The following MAPK8IP2 variants were observed in gnomAD, a reference collection of about 807,000 sequenced individuals.
The protein encoded by MAPK8IP2 is mitogen-activated protein kinase 8 interacting protein 2, also known as C-Jun-amino-terminal kinase-interacting protein 2.
A neutral mutation model predicts 75.6 loss-of-function variants in MAPK8IP2; 15 were observed. The observed-to-expected ratio is 0.20, with a 90% CI of 0.13 to 0.31. The LOEUF (loss-of-function observed/expected upper bound fraction) is 0.31, where lower values mean the gene tolerates loss of function less well. Among genes scored for constraint, MAPK8IP2 ranks in the 10% least tolerant of loss-of-function variants. The pLI is 1.00. For synonymous variants in MAPK8IP2, 632 were observed against 554.5 expected (o/e 1.14, Z -1.96); for missense variants, 1,089 against 1,211.2 (o/e 0.90, Z 1.50).
rs746365486 is a variant in MAPK8IP2 at position 50,605,733 on chromosome 22, G to A, written c.2013G>A (p.Leu671=). 140 of 1,607,496 alleles carry A rather than the reference G, an allele frequency of 8.7e-5. No individual in the cohort carries two copies. The highest frequency in any genetic ancestry group is 1.1e-4 in the Non-Finnish European group (134 of 1,177,200). Residue 671 remains leucine, a splice_region_variant and synonymous_variant, in exon 7 of 12, where the codon CTG becomes CTA. Coordinates refer to ENST00000329492, the MANE Select transcript of MAPK8IP2 (RefSeq NM_012324.6). The part of the protein sequence containing the change: ...HAVPGPAKDL[L]GSKRSPCWVE... ...TGCCCGGCCCTGCCAAGGACCTGCTGGGTGAGGTCCCAACCCCGAGGGGAG... is the reference window on the plus strand; with the variant it reads ...TGCCCGGCCCTGCCAAGGACCTGCTAGGTGAGGTCCCAACCCCGAGGGGAG...
intron 1 of MAPK8IP2, chr22:50,601,289 C>T (rs1056672810): frequency 6.3e-6 from 1 of 157,954 alleles, no homozygotes; most frequent in Non-Finnish European, 1.4e-5. Flanking sequence ...AGGGCCCGGC[C>T]GGGAGAGAGT....
chr22:50,606,017 G>A, intron 8 of MAPK8IP2, 83 bp downstream of exon 8: 1 of 1,149,386 alleles, frequency 8.7e-7, no homozygotes, highest in Middle Eastern at 2.8e-4. Flanking sequence ...AGGGCTTGAG[G>A]CTCCAAGGTC....
At position 50,604,148 on chromosome 22, in the gene MAPK8IP2, A is replaced by G; in HGVS notation, c.849A>G (p.Gly283=). 1.3e-6 allele frequency: 2 copies of G among 1,555,252 alleles called. No individual in the cohort carries two copies. Among genetic ancestry groups the G allele is most frequent in the Non-Finnish European group, 1.7e-6 (2 of 1,159,552 alleles). Residue 283 remains glycine (G), a synonymous_variant, in exon 5 of 12, where the codon GGA becomes GGG. Transcript: ENST00000329492. ...AGCTGGAGCTGAGCAGCGATGGCGG[A>G]AGCAGCAGCAGCGGCCGCTCCTCGC... ...ETELELSSDG[G]SSSSGRSSHL... is the part of the protein sequence containing the mutation.
Position 50,604,716 on chromosome 22 carries a change from G to A in MAPK8IP2, c.1417G>A (p.Glu473Lys), listed in dbSNP as rs1396389608. The change falls in exon 5 of 12, where the codon GAA (glutamate) becomes AAA (lysine). Residue 473 changes from glutamate to lysine, a missense_variant. Around this residue, in one of 2 missense-constraint regions of MAPK8IP2, gnomAD observed 960 missense variants for 1,009.6 expected, o/e 0.95. Transcript: ENST00000329492. Reference protein sequence around the residue: ...CSAACSEEEDEEDDEEEEDAE... With the variant: ...CSAACSEEEDKEDDEEEEDAE... Reference sequence around the variant, plus strand: ...CGCCGCCTGCTCCGAGGAGGAGGACGAAGAGGACGACGAGGAAGAGGAGGA... The same window carrying A: ...CGCCGCCTGCTCCGAGGAGGAGGACAAAGAGGACGACGAGGAAGAGGAGGA... 24 of 1,532,752 alleles carry A rather than the reference G, an allele frequency of 1.6e-5. No homozygotes were observed. Among genetic ancestry groups the A allele is most frequent in the East Asian group, 7.4e-5 (3 of 40,596 alleles). 94.9% of individuals were successfully genotyped at this position (1,532,752 alleles called of 1,614,324 possible).
Position 50,605,826 on chromosome 22 carries a change from G to T in MAPK8IP2, c.2016G>T (p.Gly672=). The change falls in exon 8 of 12, where the codon GGG becomes GGT. Residue 672 remains glycine (G), a splice_region_variant and synonymous_variant. Coordinates refer to ENST00000329492, the MANE Select transcript of MAPK8IP2 (RefSeq NM_012324.6). ...GGCCCTCTGTGCCCCGCTCCCCAGG[G>T]AGTAAGCGGAGCCCCTGCTGGGTGG... is the stretch of plus-strand genomic sequence containing the variant. ...AVPGPAKDLL[G]SKRSPCWVER... is the part of the protein sequence containing the mutation. 1 of 1,588,036 alleles carries T rather than the reference G, an allele frequency of 6.3e-7. No homozygotes were observed. Among genetic ancestry groups the T allele is most frequent in the Non-Finnish European group, 8.6e-7 (1 of 1,168,342 alleles).
chr22:50,607,011 C>CGAGTCTGACTCGG lies in MAPK8IP2; in HGVS notation c.2303+25_2303+26insTGACTCGGGAGTC. The CGAGTCTGACTCGG allele has an allele frequency of 6.2e-7, 1 of 1,606,650 alleles. No individual in the cohort carries two copies. On this transcript the variant is annotated intron_variant, in intron 10 of 11. Coordinates refer to ENST00000329492, the MANE Select transcript of MAPK8IP2 (RefSeq NM_012324.6). The surrounding 1 kb of genome is among the most constrained non-coding windows in gnomAD (Gnocchi z 5.6). ...CAGCTGGTGAGAGTCTGACCGTCCC[C>CGAGTCTGACTCGG]GAGTCCCCCAACCGCCCCCACAAAC...
chr22:50,610,255 G>T lies in MAPK8IP2; in HGVS notation c.2347G>T (p.Ala783Ser), dbSNP rs755261650. Reference sequence around the variant, plus strand: ...CAAACACCCCCTGCTGAGCCGCTTCGCCTGCCACGTCTTTGTCTCCCAGGA... The same window carrying T: ...CAAACACCCCCTGCTGAGCCGCTTCTCCTGCCACGTCTTTGTCTCCCAGGA... The part of the protein sequence containing the change: ...ITKHPLLSRF[A>S]CHVFVSQESM... The change falls in exon 11 of 12, where the codon GCC becomes TCC. Residue 783 changes from alanine to serine, a missense_variant. This residue lies in a region of MAPK8IP2 where 129 missense variants were observed against 201.7 expected (regional missense o/e 0.64). Transcript: ENST00000329492. This position sits in a 1 kb window ranked among gnomAD's most constrained non-coding sequence, Gnocchi z 4.3. The T allele has an allele frequency of 6.3e-7, 1 of 1,587,274 alleles. No homozygotes were observed.
At chr22:50,606,055 C>A in intron 8 of MAPK8IP2, 121 bp downstream of exon 8, 1 of 832,210 alleles carries the variant, frequency 1.2e-6, no homozygotes, top group Non-Finnish European at 1.9e-6. Context: ...CAGGGAGGGT[C>A]TGGGGGATGC....
chr22:50,606,830 G>A, intron 9 of MAPK8IP2, 65 bp downstream of exon 9: 1 of 1,595,006 alleles, frequency 6.3e-7, no homozygotes, highest in Non-Finnish European at 8.6e-7. Context: ...AGTCCGACGG[G>A]GCCAGGCTGG....
chr22:50,610,170 G>T lies in MAPK8IP2; in HGVS notation c.2304-42G>T. ...ATCATTTGTGGGGTGGCCAAGGCTG[G>T]GCCAGGGCTCTGACGTGCCCTCCAC... On this transcript the variant is annotated intron_variant, in intron 10 of 11. Transcript: ENST00000329492. The surrounding 1 kb of genome is among the most constrained non-coding windows in gnomAD (Gnocchi z 4.3). 1 of 1,497,144 alleles carries T rather than the reference G, an allele frequency of 6.7e-7. No individual in the cohort carries two copies. The allele number at this position is 1,497,144 out of a possible 1,614,324, so 92.7% of individuals were successfully genotyped here.
intron 2 of MAPK8IP2, 36 bp from the exon 3 acceptor site, chr22:50,603,187 T>C (rs373786797): frequency 3.1e-5 from 50 of 1,612,236 alleles, no homozygotes; most frequent in Non-Finnish European, 3.9e-5. Context: ...ACTGCTGCCC[T>C]CTGGCCCAGC....
In MAPK8IP2 at chr22:50,604,213, C is replaced by G. The variant is rs1603444281; in HGVS notation, c.914C>G (p.Ser305Trp). Residue 305 changes from serine (S) to tryptophan (W), a missense_variant, in exon 5 of 12, where the codon TCG becomes TGG. This residue lies in a region of MAPK8IP2 where 960 missense variants were observed against 1,009.6 expected (regional missense o/e 0.95). Transcript: ENST00000329492. ...ATCGAGGAGGCCTCGTCGCCCGCCTCGGAGCCGGAGCCCCCGCGCGAACCC... is the reference window on the plus strand; with the variant it reads ...ATCGAGGAGGCCTCGTCGCCCGCCTGGGAGCCGGAGCCCCCGCGCGAACCC... ...NSIEEASSPA[S>W]EPEPPREPPR... The G allele has an allele frequency of 1.3e-6, 2 of 1,547,632 alleles. No individual in the cohort carries two copies. Among genetic ancestry groups the G allele is most frequent in the East Asian group, 4.8e-5 (2 of 41,630 alleles).
rs2071169075 is a variant in MAPK8IP2, at chr22:50,612,818, C to G, written c.*2039C>G. 1 of 152,322 alleles carries G rather than the reference C, an allele frequency of 6.6e-6. No homozygotes were observed. Among genetic ancestry groups the G allele is most frequent in the Non-Finnish European group, 1.5e-5 (1 of 67,990 alleles). 9.4% of individuals were successfully genotyped at this position (152,322 alleles called of 1,614,324 possible). On this transcript the variant is annotated 3_prime_UTR_variant, in exon 12 of 12. Transcript: ENST00000329492. ...CCACCCACCTCCTCCCTCTGCTCTT[C>G]CACTCAGGTGAGAATTCTCCAAGCC...
intron 9 of MAPK8IP2, 27 bp from the exon 10 acceptor site, chr22:50,606,894 A>G (rs2146689247): frequency 1.2e-6 from 2 of 1,612,154 alleles, no homozygotes; most frequent in Non-Finnish European, 1.7e-6. Context: ...CCTTTGACAC[A>G]GGGACTTCTG....
intron 2 of MAPK8IP2, among the ~76,000 whole-genome samples, chr22:50,602,575 CAG>C (rs1366201957): frequency 1.3e-5 from 2 of 152,188 alleles, no homozygotes; most frequent in African/African-American, 4.8e-5. Flanking sequence ...CTGAAGGAAT[CAG>C]GGAGAATTTC....
At position 50,604,920 on chromosome 22, in the gene MAPK8IP2, G is replaced by C. The variant is rs371567055; in HGVS notation, c.1621G>C (p.Gly541Arg). Residue 541 changes from glycine (G) to arginine (R), a missense_variant, in exon 5 of 12, where the codon GGC (glycine) becomes CGC (arginine). Gly to Arg is a moderately radical substitution (Grantham distance 125). Coordinates refer to ENST00000329492, the MANE Select transcript of MAPK8IP2 (RefSeq NM_012324.6). The stretch of plus-strand genomic sequence containing the variant: ...GGGCCACGACAGCGAAGAGGACAGC[G>C]GCGGGGAGGCCAGCGAGGAGGAGGC... ...GLGHDSEEDS[G>R]GEASEEEAGA... is the part of the protein sequence containing the mutation. The C allele has an allele frequency of 1.9e-6, 3 of 1,605,714 alleles. No individual in the cohort carries two copies. The highest frequency in any genetic ancestry group is 2.6e-6 in the Non-Finnish European group (3 of 1,176,190).
At chr22:50,601,549 G>T in intron 1 of MAPK8IP2, 1 of 485,166 alleles carries the variant, frequency 2.1e-6, no homozygotes, top group East Asian at 3.4e-5. Context: ...CCAGGGAGGC[G>T]GGGTGGGAGG....
chr22:50,613,727 C>T lies in MAPK8IP2; in HGVS notation c.*2948C>T, dbSNP rs144563337. The T allele has an allele frequency of 2.0e-5, 3 of 152,442 alleles. No individual in the cohort carries two copies. In the East Asian group the frequency reaches 5.8e-4, roughly 29 times the overall value. 9.4% of individuals were successfully genotyped at this position (152,442 alleles called of 1,614,324 possible). A position where few individuals can be genotyped will look rare whatever the true frequency, so the allele number is the denominator to read the frequency against. On this transcript the variant is annotated 3_prime_UTR_variant, in exon 12 of 12. Transcript: ENST00000329492. ...TCCTGGGCGCACCTGCTGCCCTTCC[C>T]TGTTTGTCACTGGGTGACCTCCCGT...
rs2071130444 is a variant in MAPK8IP2, at chr22:50,610,485, G to A, written c.2402+175G>A. Among the ~76,000 whole-genome samples, 1 of 152,064 alleles carries A rather than the reference G, an allele frequency of 6.6e-6. No individual in the cohort carries two copies. Among genetic ancestry groups the A allele is most frequent in the Non-Finnish European group, 1.5e-5 (1 of 68,008 alleles). ...CAGTTTGGGGTGCTGGGCATGGGGT[G>A]GGAACAGGCACAGACACATGGCCCA... On this transcript the variant is annotated intron_variant, in intron 11 of 11. Transcript: ENST00000329492. The surrounding 1 kb of genome is among the most constrained non-coding windows in gnomAD (Gnocchi z 4.3).
Sources: gnomAD v4.1 joint callset for allele counts (sites outside exome capture counted in the v4.1 genomes callset) on GRCh38, gnomAD v4.1.1 for gene constraint, gnomAD v4.1.1 regional missense constraint, Gnocchi (gnomAD v3.1) non-coding constraint, MANE v1.5 for transcripts, NCBI Gene and HGNC (gene_info 2026-07-23, HGNC 2026-07-21) for gene names.